PARD3B: variants seen among roughly 807,000 people sequenced by gnomAD.
The protein encoded by PARD3B is partitioning defective 3 homolog B.
A neutral mutation model predicts 130.2 loss-of-function variants in PARD3B; 103 were observed. That is an observed-to-expected ratio of 0.79 (90% CI 0.67 to 0.93). The LOEUF (loss-of-function observed/expected upper bound fraction) is 0.93, where lower values mean the gene tolerates loss of function less well. PARD3B is among the 40% of genes least tolerant of loss of function. The pLI is 0.00. For missense variants in PARD3B, 1,609 were observed against 1,499.2 expected, an observed-to-expected ratio of 1.07 and a Z score of -1.21; for synonymous variants, 583 against 553.2, an observed-to-expected ratio of 1.05 and a Z score of -0.76.
At chr2:205,603,927 G>C (rs2054886748) in intron 22 of PARD3B, among the ~76,000 whole-genome samples, 1 of 152,200 alleles carries the variant, frequency 6.6e-6, no homozygotes, top group Non-Finnish European at 1.5e-5. Flanking sequence ...TGTTGATGCA[G>C]TTGCTTCACA....
chr2:204,832,133 G>A (rs1254661553), intron 2 of PARD3B, among the ~76,000 whole-genome samples: 2 of 152,104 alleles, frequency 1.3e-5, no homozygotes, highest in Admixed American at 6.5e-5. Flanking sequence ...GGCTGAGGCA[G>A]GAGAATGGCA....
chr2:204,705,274 A>G (rs2038085433), intron 2 of PARD3B, among the ~76,000 whole-genome samples: 1 of 152,186 alleles, frequency 6.6e-6, no homozygotes, highest in South Asian at 2.1e-4. Context: ...CCCTTCATGA[A>G]GCCCATATTC....
In PARD3B at chr2:204,708,895, AT is replaced by A. The variant is rs371465059; in HGVS notation, c.222+22615del. Among the ~76,000 whole-genome samples the A allele has an allele frequency of 3.9e-4, 59 of 152,318 alleles. 2 individuals carry two copies. The East Asian group carries it at 6.2e-3, about 16-fold the overall frequency. ...AAAATGCCTTTCTTAACAGCTTTAA[AT>A]TGTCCACCTGGACTGTGGAATGCTA... On this transcript the variant is annotated intron_variant, in intron 2 of 22. Coordinates refer to ENST00000406610, the MANE Select transcript of PARD3B (RefSeq NM_001302769.2).
chr2:205,550,943 A>G lies in PARD3B; in HGVS notation c.3181-2381A>G, dbSNP rs868582023. On this transcript the variant is annotated intron_variant, in intron 21 of 22. Transcript: ENST00000406610. This position sits in a 1 kb window ranked among gnomAD's most constrained non-coding sequence, Gnocchi z 4.5. The stretch of plus-strand genomic sequence containing the variant: ...TAATTATGTGTGTGTGTGTGTGTGT[A>G]TATATATATGTGTATATATATATAT... Among the ~76,000 whole-genome samples, 55 of 86,814 alleles carry G rather than the reference A, an allele frequency of 6.3e-4. 1 individual carries two copies. The highest frequency in any genetic ancestry group is 8.9e-3 in the Middle Eastern group (1 of 112). The allele number at this position is 86,814 out of a possible 152,430, so 57.0% of individuals were successfully genotyped here.
At chr2:204,867,671 G>A (rs975617728) in intron 2 of PARD3B, among the ~76,000 whole-genome samples, 1 of 152,060 alleles carries the variant, frequency 6.6e-6, no homozygotes, top group Non-Finnish European at 1.5e-5. Context: ...TTTGATAACA[G>A]TAGTGAAAGA....
chr2:204,786,397 G>A (rs573503441), intron 2 of PARD3B, among the ~76,000 whole-genome samples: 31 of 152,148 alleles, frequency 2.0e-4, no homozygotes, highest in African/African-American at 7.0e-4. Context: ...TGGCTTTCTT[G>A]TGCAAGGTGC....
chr2:205,126,116 G>A (rs1004396825), intron 10 of PARD3B, among the ~76,000 whole-genome samples: 2 of 152,172 alleles, frequency 1.3e-5, no homozygotes, highest in Admixed American at 6.5e-5. Flanking sequence ...GAAATAAAAA[G>A]ATAGCCAAGT....
chr2:204,816,753 A>G lies in PARD3B; in HGVS notation c.222+130471A>G, dbSNP rs1231338749. Among the ~76,000 whole-genome samples, 4 of 151,812 alleles carry G rather than the reference A, an allele frequency of 2.6e-5. 1 individual carries two copies. The South Asian group carries it at 8.3e-4, about 32-fold the overall frequency. On this transcript the variant is annotated intron_variant, in intron 2 of 22. Transcript: ENST00000406610. ...TTTATGGGTCTTATACTTGGAGTAC[A>G]TTGAGCTTCCTGGATCTGTGATTTT... is the stretch of plus-strand genomic sequence containing the variant.
intron 14 of PARD3B, among the ~76,000 whole-genome samples, chr2:205,188,489 C>T (rs934412698): frequency 6.6e-6 from 1 of 152,166 alleles, no homozygotes; most frequent in Non-Finnish European, 1.5e-5. Flanking sequence ...CCGCCATAGA[C>T]AAGGAGGCTG....
intron 2 of PARD3B, among the ~76,000 whole-genome samples, chr2:204,868,499 A>T (rs938027031): frequency 1.2e-4 from 19 of 152,240 alleles, no homozygotes; most frequent in Admixed American, 7.9e-4. Context: ...GTAGAATTTT[A>T]AAACTAGAAA....
chr2:205,432,891 C>T (rs1351695208), intron 19 of PARD3B, among the ~76,000 whole-genome samples: 1 of 152,070 alleles, frequency 6.6e-6, no homozygotes, highest in African/African-American at 2.4e-5. Context: ...ATTTGTAGGC[C>T]AGCCTTTGAT....
rs145722873 is a variant in PARD3B, at chr2:205,121,887, C to G, written c.1103C>G (p.Ser368Trp). 1 of 1,613,880 alleles carries G rather than the reference C, an allele frequency of 6.2e-7. No homozygotes were observed. The highest frequency in any genetic ancestry group is 2.2e-5 in the East Asian group (1 of 44,844). Residue 368 changes from serine (S) to tryptophan (W), a missense_variant, in exon 8 of 23, where the codon TCG becomes TGG. Transcript: ENST00000406610. This position sits in a 1 kb window ranked among gnomAD's most constrained non-coding sequence, Gnocchi z 5.0. ...LGGKPSSPSL[S>W]PLMGFGSNKN... ...GGAAAACCATCCTCTCCCTCACTCTCGCCTCTCATGGGATTTGGCAGCAAT... is the reference window on the plus strand; with the variant it reads ...GGAAAACCATCCTCTCCCTCACTCTGGCCTCTCATGGGATTTGGCAGCAAT...
intron 1 of PARD3B, among the ~76,000 whole-genome samples, chr2:204,621,985 G>T (rs1249494433): frequency 6.6e-6 from 1 of 152,120 alleles, no homozygotes; most frequent in South Asian, 2.1e-4. Context: ...TTTCAACTCT[G>T]ACATAGGTCT....
intron 18 of PARD3B, among the ~76,000 whole-genome samples, chr2:205,373,954 T>G (rs1437856814): frequency 6.6e-6 from 1 of 152,202 alleles, no homozygotes; most frequent in Non-Finnish European, 1.5e-5. Context: ...ATCTCTTTTC[T>G]TATTCTGTCT....
chr2:205,077,434 G>A (rs922072967), intron 4 of PARD3B, among the ~76,000 whole-genome samples: 1 of 152,120 alleles, frequency 6.6e-6, no homozygotes, highest in African/African-American at 2.4e-5. Flanking sequence ...TAAAAGATAA[G>A]TAACAATTCA....
chr2:204,608,614 TC>T (rs1189736382), intron 1 of PARD3B, among the ~76,000 whole-genome samples: 3 of 152,186 alleles, frequency 2.0e-5, no homozygotes, highest in Admixed American at 6.5e-5. Context: ...GTTGGTTGGC[TC>T]AGTAGATTTT....
chr2:204,694,081 C>T (rs1044519419), intron 2 of PARD3B, among the ~76,000 whole-genome samples: 3 of 151,896 alleles, frequency 2.0e-5, no homozygotes, highest in East Asian at 1.9e-4. Flanking sequence ...TCGTTCACAT[C>T]GTATTATTGG....
intron 2 of PARD3B, among the ~76,000 whole-genome samples, chr2:204,950,068 A>G (rs1158974419): frequency 6.6e-6 from 1 of 152,198 alleles, no homozygotes; most frequent in African/African-American, 2.4e-5. Flanking sequence ...TCCAAGCCCT[A>G]TGCAAAGTCA....
chr2:204,690,963 C>T (rs150822537), intron 2 of PARD3B, among the ~76,000 whole-genome samples: 6 of 152,210 alleles, frequency 3.9e-5, no homozygotes, highest in South Asian at 4.1e-4. Context: ...CTCTTTGAGA[C>T]TTGATCTTTA....
Sources: gnomAD v4.1 joint callset for allele counts (sites outside exome capture counted in the v4.1 genomes callset) on GRCh38, gnomAD v4.1.1 for gene constraint, Gnocchi (gnomAD v3.1) non-coding constraint, MANE v1.5 for transcripts, NCBI Gene and HGNC (gene_info 2026-07-23, HGNC 2026-07-21) for gene names.